DNAH8: variants seen among roughly 807,000 people sequenced by gnomAD.
DNAH8 encodes axonemal beta dynein heavy chain 8.
DNAH8 carries 382 observed loss-of-function variants against 562.1 expected under a neutral mutation model. The observed-to-expected ratio is 0.68, with a 90% CI of 0.63 to 0.74. The LOEUF is 0.74. Among genes scored for constraint, DNAH8 ranks in the 30% least tolerant of loss-of-function variants. The pLI, the probability that DNAH8 is intolerant of heterozygous loss-of-function variation, is 0.00. For synonymous variants in DNAH8, 1,881 were observed against 1,919.4 expected (o/e 0.98, Z 0.52); for missense variants, 5,203 against 5,620.4 (o/e 0.93, Z 2.37).
chr6:39,016,368 G>A (rs963676876), intron 91 of DNAH8, among the ~76,000 whole-genome samples: 15 of 152,090 alleles, frequency 9.9e-5, no homozygotes, highest in South Asian at 2.1e-4. Context: ...TGGCTAACAC[G>A]GTGAAACCCC....
Position 38,926,036 on chromosome 6 carries a change from T to A in DNAH8, c.10963-19T>A. The A allele has an allele frequency of 6.2e-7, 1 of 1,608,932 alleles. No homozygotes were observed. The highest frequency in any genetic ancestry group is 2.2e-5 in the East Asian group (1 of 44,804). On this transcript the variant is annotated intron_variant, in intron 73 of 92. Transcript: ENST00000327475. ...TCCTGTTCTCCTTTGAATGGTGATA[T>A]CCATTTCCTGTTGTTCAGATTGGTG...
intron 16 of DNAH8, among the ~76,000 whole-genome samples, chr6:38,781,678 A>G (rs1237819184): frequency 1.4e-4 from 21 of 152,198 alleles, no homozygotes; most frequent in Admixed American, 1.4e-3. Context: ...TTTGAAAACA[A>G]TAAAGTACAG....
At chr6:38,934,282 G>A (rs539375123) in intron 76 of DNAH8, among the ~76,000 whole-genome samples, 2 of 150,762 alleles carry the variant, frequency 1.3e-5, no homozygotes, top group Admixed American at 1.3e-4. Context: ...GAACCTGGGC[G>A]GCAGAGGTTG....
intron 21 of DNAH8, among the ~76,000 whole-genome samples, chr6:38,796,387 A>G (rs777586534): frequency 6.6e-6 from 1 of 151,866 alleles, no homozygotes; most frequent in Non-Finnish European, 1.5e-5. Flanking sequence ...TGTAACTGTT[A>G]TATCTCTGTG....
intron 62 of DNAH8, among the ~76,000 whole-genome samples, chr6:38,904,179 AT>A: frequency 6.6e-6 from 1 of 152,260 alleles, no homozygotes; most frequent in East Asian, 1.9e-4. Context: ...TAAAGTGAGA[AT>A]TTAGTTCAGT....
chr6:39,016,023 A>ACTTGG (rs1194702397), intron 91 of DNAH8, among the ~76,000 whole-genome samples: 1 of 152,180 alleles, frequency 6.6e-6, no homozygotes, highest in Non-Finnish European at 1.5e-5. Context: ...GTTCCACCTC[A>ACTTGG]CTTGGCCAAA....
intron 88 of DNAH8, among the ~76,000 whole-genome samples, chr6:39,008,384 C>T (rs1216795789): frequency 6.6e-6 from 1 of 152,014 alleles, no homozygotes; most frequent in Non-Finnish European, 1.5e-5. Context: ...TAGGTTATAA[C>T]TCAGTGAGGA....
At position 38,857,511 on chromosome 6, in the gene DNAH8, T is replaced by G; in HGVS notation, c.5734-7T>G. ...CAAATTTTAATATTTTTCTGCTGGATCTGTAGGTTGGACTTCTGGGAATTC... is the reference window on the plus strand; with the variant it reads ...CAAATTTTAATATTTTTCTGCTGGAGCTGTAGGTTGGACTTCTGGGAATTC... On this transcript the variant is annotated splice_region_variant and splice_polypyrimidine_tract_variant and intron_variant, in intron 41 of 92. Transcript: ENST00000327475. 6.3e-7 allele frequency: 1 copy of G among 1,590,760 alleles called. No individual in the cohort carries two copies.
chr6:38,761,526 G>A (rs1766514421), intron 10 of DNAH8, among the ~76,000 whole-genome samples, 176 bp from the exon 11 acceptor site: 1 of 151,076 alleles, frequency 6.6e-6, no homozygotes, highest in Non-Finnish European at 1.5e-5. Flanking sequence ...GAACTTCTGG[G>A]CTCAAGTTAC....
Position 38,924,047 on chromosome 6 carries a change from A to T in DNAH8, c.10847A>T (p.Asn3616Ile). The T allele has an allele frequency of 6.2e-7, 1 of 1,614,006 alleles. No individual in the cohort carries two copies. Among genetic ancestry groups the T allele is most frequent in the Non-Finnish European group, 8.5e-7 (1 of 1,179,934 alleles). Reference protein sequence around the residue: ...TGFLSYLGPFNQIFRNYLLKD... With the variant: ...TGFLSYLGPFIQIFRNYLLKD... ...TTCCTTTCCTACCTTGGTCCTTTCA[A>T]TCAGATATTTAGGAACTATTTGCTT... Residue 3616 changes from asparagine to isoleucine, a missense_variant, in exon 73 of 93, where the codon AAT becomes ATT. This residue lies in a region of DNAH8 where 1,399 missense variants were observed against 1,518.4 expected (regional missense o/e 0.92). Coordinates refer to ENST00000327475, the MANE Select transcript of DNAH8 (RefSeq NM_001206927.2).
rs9380779 is a variant in DNAH8, at chr6:38,803,625, A to G, written c.3034+314A>G. Among the ~76,000 whole-genome samples the G allele has an allele frequency of 0.13, 19,034 of 145,318 alleles. 1,512 individuals are homozygous for G. Among genetic ancestry groups the G allele is most frequent in the East Asian group, 0.38 (1,915 of 5,038 alleles). ...TTTTTTTTTTTTTTTCTGGTGCAGC[A>G]TTCTTATCAAGTCACTTTGACTATT... On this transcript the variant is annotated intron_variant, in intron 22 of 92. Coordinates refer to ENST00000327475, the MANE Select transcript of DNAH8 (RefSeq NM_001206927.2).
intron 91 of DNAH8, among the ~76,000 whole-genome samples, chr6:39,022,814 A>C (rs1308247516): frequency 6.6e-6 from 1 of 152,050 alleles, no homozygotes; most frequent in East Asian, 1.9e-4. Flanking sequence ...GCAGCTGCCT[A>C]CCCCCATCCC....
chr6:39,015,922 G>A (rs4714207), intron 91 of DNAH8, among the ~76,000 whole-genome samples: 21,567 of 152,112 alleles, frequency 0.14, 1,678 homozygotes, highest in African/African-American at 0.2. Context: ...TCTGTTAGTC[G>A]CACAGAAGAC....
At chr6:38,785,316 A>G (rs1769041692) in intron 17 of DNAH8, among the ~76,000 whole-genome samples, 1 of 152,148 alleles carries the variant, frequency 6.6e-6, no homozygotes, top group Admixed American at 6.5e-5. Flanking sequence ...GTTGCTCAGT[A>G]AAGTTTCTCT....
At chr6:38,866,341 C>T (rs191222134) in intron 45 of DNAH8, among the ~76,000 whole-genome samples, 41 of 151,908 alleles carry the variant, frequency 2.7e-4, no homozygotes, top group Admixed American at 2.0e-3. Flanking sequence ...TTTTTTAAGT[C>T]AGTAGACAAT....
At chr6:38,901,608 A>G (rs960422281) in intron 62 of DNAH8, among the ~76,000 whole-genome samples, 1 of 152,104 alleles carries the variant, frequency 6.6e-6, no homozygotes, top group Non-Finnish European at 1.5e-5. Context: ...TAACATATGT[A>G]TATTTGGTAG....
At chr6:38,924,460 C>T (rs1781951221) in intron 73 of DNAH8, among the ~76,000 whole-genome samples, 1 of 151,964 alleles carries the variant, frequency 6.6e-6, no homozygotes, top group Admixed American at 6.6e-5. Context: ...TCCGAGATCA[C>T]GCCACTCCAC....
At chr6:38,956,499 C>T (rs1762254023) in intron 82 of DNAH8, among the ~76,000 whole-genome samples, 1 of 152,134 alleles carries the variant, frequency 6.6e-6, no homozygotes, top group Non-Finnish European at 1.5e-5. Flanking sequence ...AGCTCTGCCC[C>T]ACGTCAAGTC....
intron 91 of DNAH8, among the ~76,000 whole-genome samples, chr6:39,021,924 A>G (rs540887478): frequency 2.0e-5 from 3 of 152,350 alleles, no homozygotes; most frequent in African/African-American, 7.2e-5. Context: ...GTATGAAATG[A>G]TATTTAAAGC....
Sources: allele counts gnomAD v4.1 joint callset (sites outside exome capture counted in the v4.1 genomes callset), GRCh38; gene constraint gnomAD v4.1.1; regional missense constraint gnomAD v4.1.1; transcripts MANE v1.5; gene names NCBI Gene and HGNC (gene_info 2026-07-23, HGNC 2026-07-21).